Variants in B3GALT1 observed in about 807,000 individuals in gnomAD.
B3GALT1 encodes beta-1,3-galactosyltransferase 1, also known as UDP-Gal:betaGlcNAc beta 1,3-galactosyltransferase, polypeptide 1.
B3GALT1 carries 10 observed loss-of-function variants against 23.2 expected under a neutral mutation model. The observed-to-expected ratio is 0.43, with a 90% confidence interval of 0.27 to 0.73. B3GALT1 has a LOEUF of 0.73. Among genes scored for constraint, B3GALT1 ranks in the 30% least tolerant of loss-of-function variants. The pLI, the probability that B3GALT1 is intolerant of heterozygous loss-of-function variation, is 0.21. For synonymous variants in B3GALT1, 156 were observed against 141.5 expected (o/e 1.10, Z -0.73); for missense variants, 299 against 405.4 (o/e 0.74, Z 2.25).
At chr2:167,612,534 C>T (rs1313235763) in intron 2 of B3GALT1, among the ~76,000 whole-genome samples, 1 of 151,766 alleles carries the variant, frequency 6.6e-6, no homozygotes. Context: ...GTAAACTGAG[C>T]TGTATACTTG....
At position 167,749,081 on chromosome 2, in the gene B3GALT1, G is replaced by T. The variant is rs541590594; in HGVS notation, c.-351-69591G>T. ...ATTTTTGTGAGGCTGGCCAAGGGTT[G>T]GCCTTAGAACTAGCTTCAACTTTTA... On this transcript the variant is annotated intron_variant, in intron 3 of 4. Coordinates refer to ENST00000392690, the MANE Select transcript of B3GALT1 (RefSeq NM_020981.4). 2.6e-5 allele frequency among the ~76,000 whole-genome samples: 4 copies of T among 152,278 alleles called. No individual in the cohort carries two copies. The East Asian group carries it at 7.7e-4, about 29-fold the overall frequency.
intron 2 of B3GALT1, among the ~76,000 whole-genome samples, chr2:167,531,963 T>C (rs1025197699): frequency 1.2e-4 from 18 of 152,192 alleles, no homozygotes; most frequent in African/African-American, 4.3e-4. Flanking sequence ...GGTCAAGTGT[T>C]CTGAAAACTT....
intron 4 of B3GALT1, among the ~76,000 whole-genome samples, chr2:167,836,560 C>T (rs1689478105): frequency 6.6e-6 from 1 of 152,150 alleles, no homozygotes; most frequent in African/African-American, 2.4e-5. Context: ...ATTGGTGTAC[C>T]TGAAAGTGAT....
At chr2:167,477,218 G>C (rs1699499901) in intron 1 of B3GALT1, among the ~76,000 whole-genome samples, 1 of 152,162 alleles carries the variant, frequency 6.6e-6, no homozygotes, top group South Asian at 2.1e-4. Context: ...TTGGACAAAA[G>C]GGAAGAAGGA....
At chr2:167,297,443 G>C (rs1259185495) in intron 1 of B3GALT1, among the ~76,000 whole-genome samples, 3 of 150,554 alleles carry the variant, frequency 2.0e-5, no homozygotes, top group Admixed American at 1.3e-4. Context: ...TAAAGTTTAT[G>C]CATCAAAAAA....
At chr2:167,616,647 A>T (rs1041411958) in intron 2 of B3GALT1, among the ~76,000 whole-genome samples, 2 of 152,104 alleles carry the variant, frequency 1.3e-5, no homozygotes, top group Non-Finnish European at 2.9e-5. Flanking sequence ...GTGAGCCGAG[A>T]TCACGCCATT....
At chr2:167,848,249 G>A (rs191853904) in intron 4 of B3GALT1, among the ~76,000 whole-genome samples, 7 of 152,172 alleles carry the variant, frequency 4.6e-5, no homozygotes, top group Non-Finnish European at 8.8e-5. Flanking sequence ...TGTGAAGCGA[G>A]CATCACCCTA....
chr2:167,784,624 A>G (rs948487711), intron 3 of B3GALT1, among the ~76,000 whole-genome samples: 17 of 152,336 alleles, frequency 1.1e-4, no homozygotes, highest in African/African-American at 3.8e-4. Context: ...CAAATGCTCA[A>G]CAATTAGGGG....
At chr2:167,576,528 T>G (rs1684391148) in intron 2 of B3GALT1, among the ~76,000 whole-genome samples, 1 of 149,168 alleles carries the variant, frequency 6.7e-6, no homozygotes, top group South Asian at 2.1e-4. Context: ...CTGTTTTTTT[T>G]TTTGTTTTTT....
intron 1 of B3GALT1, among the ~76,000 whole-genome samples, chr2:167,463,950 G>A (rs1050304441): frequency 3.9e-5 from 6 of 152,128 alleles, no homozygotes; most frequent in African/African-American, 1.2e-4. Flanking sequence ...CAACCCCAAT[G>A]ATCTGAGCAA....
chr2:167,702,728 C>T (rs1351960180), intron 3 of B3GALT1, among the ~76,000 whole-genome samples: 1 of 152,150 alleles, frequency 6.6e-6, no homozygotes, highest in East Asian at 1.9e-4. Context: ...AACAGTGTTA[C>T]TTGATTTATA....
intron 1 of B3GALT1, among the ~76,000 whole-genome samples, chr2:167,371,286 C>T (rs1420410011): frequency 6.6e-6 from 1 of 151,968 alleles, no homozygotes; most frequent in Admixed American, 6.6e-5. Flanking sequence ...TCATAAAACT[C>T]TTTAATCTTT....
rs188129635 is a variant in B3GALT1 at position 167,507,727 on chromosome 2, A to G, written c.-410+17450A>G. On this transcript the variant is annotated intron_variant, in intron 2 of 4. Transcript: ENST00000392690. The stretch of plus-strand genomic sequence containing the variant: ...TATGTGCATAAAGCCCTTAGTTATT[A>G]TATTTGGTAATTGAACATTTACCTT... 1.2e-4 allele frequency among the ~76,000 whole-genome samples: 18 copies of G among 152,214 alleles called. No homozygotes were observed. The East Asian group carries it at 2.9e-3, about 25-fold the overall frequency.
chr2:167,723,225 C>G (rs1209235382), intron 3 of B3GALT1, among the ~76,000 whole-genome samples: 1 of 152,272 alleles, frequency 6.6e-6, no homozygotes, highest in African/African-American at 2.4e-5. Context: ...AGAACAGACT[C>G]TACTTAAGAA....
At chr2:167,818,167 TG>T (rs1689035054) in intron 3 of B3GALT1, among the ~76,000 whole-genome samples, 1 of 152,256 alleles carries the variant, frequency 6.6e-6, no homozygotes, top group African/African-American at 2.4e-5. Flanking sequence ...TGTGCAGTTT[TG>T]TTTTATTTTT....
chr2:167,564,226 G>T (rs1172554823), intron 2 of B3GALT1, among the ~76,000 whole-genome samples: 1 of 151,566 alleles, frequency 6.6e-6, no homozygotes, highest in Non-Finnish European at 1.5e-5. Context: ...TCCCGGACGG[G>T]GCGGCAGGGC....
chr2:167,644,606 C>T (rs1464289030), intron 2 of B3GALT1, among the ~76,000 whole-genome samples: 2 of 151,762 alleles, frequency 1.3e-5, no homozygotes, highest in Non-Finnish European at 2.9e-5. Flanking sequence ...CGGTGAAACC[C>T]CATCTCTACT....
intron 3 of B3GALT1, chr2:167,715,795 A>G: frequency 1.9e-6 from 3 of 1,613,598 alleles, no homozygotes; most frequent in South Asian, 2.2e-5. Flanking sequence ...CAAGTAGTTT[A>G]CATTTTTCTT....
intron 3 of B3GALT1, among the ~76,000 whole-genome samples, chr2:167,701,328 A>G (rs138714415): frequency 6.6e-6 from 1 of 152,050 alleles, no homozygotes; most frequent in Non-Finnish European, 1.5e-5. Context: ...TTCCTGGGGA[A>G]GAGTCTTGGT....
Sources: gnomAD v4.1 joint callset for allele counts (sites outside exome capture counted in the v4.1 genomes callset) on GRCh38, gnomAD v4.1.1 for gene constraint, MANE v1.5 for transcripts, NCBI Gene and HGNC (gene_info 2026-07-23, HGNC 2026-07-21) for gene names.